CFAP91: variants seen among roughly 807,000 people sequenced by gnomAD.
The protein encoded by CFAP91 is cilia and flagella associated protein 91, also known as cilia- and flagella-associated protein 91.
Under a neutral mutation model 95.9 loss-of-function variants are expected in CFAP91, and 85 were observed. The ratio of observed to expected loss-of-function variants is 0.89; its 90% CI spans 0.74 to 1.06. The LOEUF (loss-of-function observed/expected upper bound fraction) is 1.06. Among genes scored for constraint, CFAP91 ranks in the 50% least tolerant of loss-of-function variants. The pLI, the probability that CFAP91 is intolerant of heterozygous loss-of-function variation, is 0.00. For missense variants in CFAP91, 962 were observed against 943.4 expected, an observed-to-expected ratio of 1.02 and a Z score of -0.26; for synonymous variants, 335 against 327.5, an observed-to-expected ratio of 1.02 and a Z score of -0.25.
In CFAP91 at chr3:119,715,436, G is replaced by A. The variant is rs1381426335; in HGVS notation, c.501-126G>A. On this transcript the variant is annotated intron_variant, in intron 5 of 17. Coordinates refer to ENST00000273390, the MANE Select transcript of CFAP91 (RefSeq NM_033364.4). Reference sequence around the variant, plus strand: ...CTGGTTATAATGGATTCATGATTTTGTACCTGTCAACATTTAAAAGAGGAA... The same window carrying A: ...CTGGTTATAATGGATTCATGATTTTATACCTGTCAACATTTAAAAGAGGAA... 51 of 821,524 alleles carry A rather than the reference G, an allele frequency of 6.2e-5. No homozygotes were observed. The Admixed American group carries it at 9.1e-4, about 15-fold the overall frequency. 50.9% of individuals were successfully genotyped at this position (821,524 alleles called of 1,614,324 possible). A position where few individuals can be genotyped will look rare whatever the true frequency, so the allele number is the denominator to read the frequency against.
rs895565773 is a variant in CFAP91 at position 119,739,187 on chromosome 3, CAA to C, written c.1462-65_1462-64del. On this transcript the variant is annotated intron_variant, in intron 11 of 17. Coordinates refer to ENST00000273390, the MANE Select transcript of CFAP91 (RefSeq NM_033364.4). ...GTCTGTTTTGCTTGAAATAAGTCTT[CAA>C]AAGAATATTTGATGCTTGGACTACT... 1.5e-5 allele frequency: 21 copies of C among 1,365,976 alleles called. No homozygotes were observed. The African/African-American group carries it at 2.7e-4, about 18-fold the overall frequency. The allele number at this position is 1,365,976 out of a possible 1,614,324, so 84.6% of individuals were successfully genotyped here.
chr3:119,708,728 T>C, intron 4 of CFAP91, 54 bp downstream of exon 4: 2 of 1,028,448 alleles, frequency 1.9e-6, no homozygotes, highest in Non-Finnish European at 3.0e-6. Flanking sequence ...AGAGAACCTC[T>C]TTATGATAAT....
At chr3:119,722,814 G>A (rs757669803) in intron 6 of CFAP91, among the ~76,000 whole-genome samples, 1 of 151,816 alleles carries the variant, frequency 6.6e-6, no homozygotes. Flanking sequence ...ATGCACGGTA[G>A]CAATGAATAA....
At position 119,726,223 on chromosome 3, in the gene CFAP91, C is replaced by T. The variant is rs61743329; in HGVS notation, c.735C>T (p.Arg245=). The change falls in exon 7 of 18, where the codon CGC becomes CGT. Residue 245 remains arginine (R), a synonymous_variant. Coordinates refer to ENST00000273390, the MANE Select transcript of CFAP91 (RefSeq NM_033364.4). ...AGGTGGAGATGATAGAAAGAGCCCGCGAGAAGCGTGCTTGGGAAGCCTCTC... is the reference window on the plus strand; with the variant it reads ...AGGTGGAGATGATAGAAAGAGCCCGTGAGAAGCGTGCTTGGGAAGCCTCTC... ...QAEVEMIERA[R]EKRAWEASLP... is the part of the protein sequence containing the mutation. 394 of 1,613,528 alleles carry T rather than the reference C, an allele frequency of 2.4e-4. 3 individuals are homozygous for T. The African/African-American group carries it at 3.8e-3, about 16-fold the overall frequency.
At chr3:119,709,680 C>G (rs534456952) in intron 4 of CFAP91, among the ~76,000 whole-genome samples, 159 bp from the exon 5 acceptor site, 1 of 152,282 alleles carries the variant, frequency 6.6e-6, no homozygotes, top group African/African-American at 2.4e-5. Flanking sequence ...AACCTCCCCA[C>G]CCTGCAGTGA....
chr3:119,747,965 C>G (rs2107909290), intron 16 of CFAP91, 63 bp downstream of exon 16: 1 of 1,261,532 alleles, frequency 7.9e-7, no homozygotes, highest in Non-Finnish European at 1.1e-6. Context: ...TTCAATATCC[C>G]AGAGATTTAA....
intron 6 of CFAP91, among the ~76,000 whole-genome samples, chr3:119,725,331 C>T (rs1459697733): frequency 1.3e-5 from 2 of 152,260 alleles, no homozygotes; most frequent in Admixed American, 6.5e-5. Context: ...GCCTGACCTA[C>T]AGGTATTGTG....
intron 1 of CFAP91, 43 bp downstream of exon 1, chr3:119,703,265 A>G (rs762807211): frequency 5.0e-6 from 8 of 1,602,574 alleles, no homozygotes; most frequent in South Asian, 3.4e-5. Context: ...GTCGCCTCCT[A>G]GGCCAGGTGG....
At chr3:119,739,778 C>T (rs890366900) in intron 12 of CFAP91, among the ~76,000 whole-genome samples, 1 of 152,140 alleles carries the variant, frequency 6.6e-6, no homozygotes, top group Non-Finnish European at 1.5e-5. Context: ...GGTTTTGAAC[C>T]TTTACTATAT....
intron 15 of CFAP91, 190 bp from the exon 16 acceptor site, chr3:119,747,621 G>A: frequency 1.7e-6 from 1 of 600,018 alleles, no homozygotes; most frequent in South Asian, 2.3e-5. Flanking sequence ...GTAACTGAAG[G>A]ACAGGGTCAA....
At chr3:119,708,395 G>T (rs2053413496) in intron 3 of CFAP91, among the ~76,000 whole-genome samples, 196 bp from the exon 4 acceptor site, 1 of 152,112 alleles carries the variant, frequency 6.6e-6, no homozygotes, top group Non-Finnish European at 1.5e-5. Context: ...TGTCTGACTA[G>T]GTTCTGGTCT....
chr3:119,706,910 C>G, intron 2 of CFAP91, 25 bp downstream of exon 2: 1 of 1,567,096 alleles, frequency 6.4e-7, no homozygotes, highest in Non-Finnish European at 8.8e-7. Context: ...TCAGCCAAGG[C>G]TACCTGATGA....
At chr3:119,726,905 CAA>C (rs1465903115) in intron 7 of CFAP91, among the ~76,000 whole-genome samples, 1 of 149,384 alleles carries the variant, frequency 6.7e-6, no homozygotes, top group Admixed American at 6.8e-5. Flanking sequence ...AGTTAAAAGA[CAA>C]ATTATGGAAT....
chr3:119,726,797 C>G (rs2053792455), intron 7 of CFAP91, among the ~76,000 whole-genome samples: 1 of 151,714 alleles, frequency 6.6e-6, no homozygotes, highest in South Asian at 2.1e-4. Context: ...AGCCTTGGCA[C>G]TAGTCCTAGC....
At chr3:119,730,017 T>A (rs955966370) in intron 7 of CFAP91, among the ~76,000 whole-genome samples, 2 of 152,168 alleles carry the variant, frequency 1.3e-5, no homozygotes, top group Non-Finnish European at 2.9e-5. Context: ...TACACCCATA[T>A]ATATTCCTAT....
chr3:119,747,109 T>A lies in CFAP91; in HGVS notation c.1903-6T>A. 1 of 1,555,118 alleles carries A rather than the reference T, an allele frequency of 6.4e-7. No individual in the cohort carries two copies. The highest frequency in any genetic ancestry group is 8.7e-7 in the Non-Finnish European group (1 of 1,151,242). ...GTTTTAGTGAGGGTATTATTGTTTT[T>A]TGCAGGTGGTTAAAGTTCACCATAG... On this transcript the variant is annotated splice_region_variant and splice_polypyrimidine_tract_variant and intron_variant, in intron 14 of 17. Coordinates refer to ENST00000273390, the MANE Select transcript of CFAP91 (RefSeq NM_033364.4).
chr3:119,743,578 TAGG>T (rs1030756557), intron 13 of CFAP91, among the ~76,000 whole-genome samples: 2 of 152,264 alleles, frequency 1.3e-5, no homozygotes, highest in African/African-American at 4.8e-5. Flanking sequence ...AGTGAATTTC[TAGG>T]AGATTCAATT....
intron 14 of CFAP91, among the ~76,000 whole-genome samples, chr3:119,746,058 C>A (rs1191875882): frequency 1.3e-5 from 2 of 152,136 alleles, no homozygotes; most frequent in African/African-American, 4.8e-5. Context: ...CTAAGTATGC[C>A]ACAGTTGATG....
intron 2 of CFAP91, chr3:119,707,138 A>G (rs2053380391): frequency 1.8e-6 from 1 of 540,942 alleles, no homozygotes; most frequent in Non-Finnish European, 3.3e-6. Context: ...ATATATGCCC[A>G]TGTTAAAAGA....
Sources: gnomAD v4.1 joint callset for allele counts (sites outside exome capture counted in the v4.1 genomes callset) on GRCh38, gnomAD v4.1.1 for gene constraint, MANE v1.5 for transcripts, NCBI Gene and HGNC (gene_info 2026-07-23, HGNC 2026-07-21) for gene names.